The following SLTM variants were observed in gnomAD, a reference collection of about 807,000 sequenced individuals.
SLTM encodes SAFB-like transcription modulator.
Under a neutral mutation model 134.6 loss-of-function variants are expected in SLTM, and 43 were observed. The ratio of observed to expected loss-of-function variants is 0.32; its 90% CI spans 0.25 to 0.41. The LOEUF is 0.41. Among genes scored for constraint, SLTM ranks in the 10% least tolerant of loss-of-function variants. SLTM has a pLI of 1.00. For synonymous variants in SLTM, 424 were observed against 432.3 expected (o/e 0.98, Z 0.24); for missense variants, 1,055 against 1,288.8 (o/e 0.82, Z 2.78).
At chr15:58,883,338 C>T (rs1302912131) in intron 20 of SLTM, 9 of 283,218 alleles carry the variant, frequency 3.2e-5, no homozygotes, top group Non-Finnish European at 5.5e-5. Context: ...CAAAACAAAA[C>T]AAAAGAATTC....
chr15:58,922,581 GTATAAAATA>G (rs2037163708), intron 2 of SLTM, among the ~76,000 whole-genome samples: 1 of 139,426 alleles, frequency 7.2e-6, no homozygotes, highest in Non-Finnish European at 1.5e-5. Context: ...TATTATATAC[GTATAAAATA>G]TATATTATAT....
At chr15:58,902,167 A>G (rs1316967746) in intron 5 of SLTM, among the ~76,000 whole-genome samples, 3 of 152,152 alleles carry the variant, frequency 2.0e-5, no homozygotes, top group Admixed American at 1.3e-4. Context: ...TAGAACCAAC[A>G]TTTTCCCAAA....
At chr15:58,928,100 T>C (rs970447210) in intron 2 of SLTM, among the ~76,000 whole-genome samples, 3 of 152,218 alleles carry the variant, frequency 2.0e-5, no homozygotes, top group African/African-American at 4.8e-5. Context: ...TTTTTAAAGC[T>C]GCCAGGTATT....
intron 19 of SLTM, among the ~76,000 whole-genome samples, chr15:58,884,288 G>A (rs1051582305): frequency 6.6e-6 from 1 of 152,086 alleles, no homozygotes; most frequent in Non-Finnish European, 1.5e-5. Context: ...TCTCAGGGAA[G>A]GGTATGGAGG....
At position 58,887,090 on chromosome 15, in the gene SLTM, T is replaced by C. The variant is rs1388570216; in HGVS notation, c.2720A>G (p.Glu907Gly). The change falls in exon 19 of 21, where the codon GAA (glutamate) becomes GGA (glycine). Residue 907 changes from glutamate to glycine, a missense_variant. Around this residue, in one of 3 missense-constraint regions of SLTM, gnomAD observed 776 missense variants for 962.2 expected, o/e 0.81. Coordinates refer to ENST00000380516, the MANE Select transcript of SLTM (RefSeq NM_024755.4). The part of the protein sequence containing the change: ...RVERPERSGR[E>G]VSGHSVRGAP... ...GCCTCTCACACTGTGCCCTGATACT[T>C]CTCTCCCAGATCGTTCTGGCCTTTC... The C allele has an allele frequency of 1.2e-6, 2 of 1,613,936 alleles. No individual in the cohort carries two copies. The highest frequency in any genetic ancestry group is 2.7e-5 in the African/African-American group (2 of 74,916).
intron 20 of SLTM, among the ~76,000 whole-genome samples, chr15:58,881,471 G>C (rs2033704399): frequency 6.6e-6 from 1 of 151,784 alleles, no homozygotes; most frequent in African/African-American, 2.4e-5. Context: ...AGGATGCAGT[G>C]AGCTGAGATA....
chr15:58,929,740 A>G (rs1332198898), intron 2 of SLTM, among the ~76,000 whole-genome samples: 2 of 151,806 alleles, frequency 1.3e-5, no homozygotes, highest in African/African-American at 4.8e-5. Flanking sequence ...ATCACTTTGT[A>G]AAATGGCAGA....
chr15:58,885,998 G>GT (rs2034151737), intron 19 of SLTM, among the ~76,000 whole-genome samples: 1 of 152,072 alleles, frequency 6.6e-6, no homozygotes, highest in Admixed American at 6.6e-5. Flanking sequence ...GAGGCAAAAG[G>GT]TTTTTGTTCA....
intron 16 of SLTM, chr15:58,888,757 C>A: frequency 2.4e-6 from 1 of 418,470 alleles, no homozygotes; most frequent in Non-Finnish European, 4.2e-6. Context: ...AGGAATTTAA[C>A]AGGAGAGAAA....
At position 58,933,621 on chromosome 15, in the gene SLTM, A is replaced by C. The variant is rs536057300; in HGVS notation, c.-56T>G. Reference sequence around the variant, plus strand: ...GAGTGGGCTGCAGGGCGGCGGCAGCAGCGCCAACTTCCACCCAGGCCTCGG... The same window carrying C: ...GAGTGGGCTGCAGGGCGGCGGCAGCCGCGCCAACTTCCACCCAGGCCTCGG... On this transcript the variant is annotated 5_prime_UTR_variant, in exon 1 of 21. Transcript: ENST00000380516. 2 of 1,468,900 alleles carry C rather than the reference A, an allele frequency of 1.4e-6. No homozygotes were observed. The highest frequency in any genetic ancestry group is 2.6e-5 in the South Asian group (2 of 76,632). 91.0% of individuals were successfully genotyped at this position (1,468,900 alleles called of 1,614,324 possible). A position where few individuals can be genotyped will look rare whatever the true frequency, so the allele number is the denominator to read the frequency against.
chr15:58,926,863 C>T (rs181299004), intron 2 of SLTM, among the ~76,000 whole-genome samples: 75 of 152,192 alleles, frequency 4.9e-4, no homozygotes, highest in Non-Finnish European at 7.4e-5. Flanking sequence ...CCACCCACCT[C>T]GGCCTCCCAA....
chr15:58,916,883 C>CA, intron 3 of SLTM, 52 bp downstream of exon 3: 1 of 1,532,158 alleles, frequency 6.5e-7, no homozygotes, highest in Non-Finnish European at 9.0e-7. Context: ...ATTCATGATG[C>CA]AAAATACTAG....
At chr15:58,893,480 T>C (rs2034828366) in intron 12 of SLTM, 116 bp from the exon 13 acceptor site, 1 of 702,662 alleles carries the variant, frequency 1.4e-6, no homozygotes, top group African/African-American at 1.8e-5. Flanking sequence ...ATAAAAAAAC[T>C]ACTTATTCTA....
At chr15:58,929,542 T>A (rs12916751) in intron 2 of SLTM, among the ~76,000 whole-genome samples, 1 of 152,018 alleles carries the variant, frequency 6.6e-6, no homozygotes, top group African/African-American at 2.4e-5. Context: ...GATATTTTAA[T>A]AAGTTTCCCT....
chr15:58,921,510 C>T (rs558180260), intron 2 of SLTM: 1 of 376,514 alleles, frequency 2.7e-6, no homozygotes, highest in African/African-American at 2.1e-5. Flanking sequence ...AATGGTCTAA[C>T]TTTGCTGTCC....
intron 2 of SLTM, among the ~76,000 whole-genome samples, chr15:58,931,531 T>A (rs1213483581): frequency 6.6e-6 from 1 of 152,210 alleles, no homozygotes; most frequent in Non-Finnish European, 1.5e-5. Context: ...AAACTCTGCA[T>A]GAAAATTGTA....
chr15:58,903,371 C>T (rs1054052820), intron 5 of SLTM, among the ~76,000 whole-genome samples: 5 of 152,128 alleles, frequency 3.3e-5, no homozygotes, highest in South Asian at 2.1e-4. Flanking sequence ...AGCAGAAGTA[C>T]GCTGTTTAAA....
rs2034915017 is a variant in SLTM at position 58,894,469 on chromosome 15, G to A, written c.1341C>T (p.Arg447=). The A allele has an allele frequency of 2.5e-6, 4 of 1,614,122 alleles. No homozygotes were observed. The highest frequency in any genetic ancestry group is 3.4e-6 in the Non-Finnish European group (4 of 1,180,014). ...AAATCAGCTGTCCATGCAGCTCAGT[G>A]CGATGAAGATGTGCAATACACCTGG... ...EVSRCIAHLH[R]TELHGQLISV... is the part of the protein sequence containing the mutation. The change falls in exon 10 of 21, where the codon CGC becomes CGT. Residue 447 remains arginine (R), a synonymous_variant. Coordinates refer to ENST00000380516, the MANE Select transcript of SLTM (RefSeq NM_024755.4).
intron 9 of SLTM, 30 bp from the exon 10 acceptor site, chr15:58,894,612 T>C (rs754195090): frequency 1.2e-6 from 2 of 1,611,324 alleles, no homozygotes; most frequent in Non-Finnish European, 8.5e-7. Flanking sequence ...TTTAGAGAGT[T>C]TTACAACGTT....
Sources: allele counts gnomAD v4.1 joint callset (sites outside exome capture counted in the v4.1 genomes callset), GRCh38; gene constraint gnomAD v4.1.1; regional missense constraint gnomAD v4.1.1; transcripts MANE v1.5; gene names NCBI Gene and HGNC (gene_info 2026-07-23, HGNC 2026-07-21).